The following ADAM32 variants were observed in gnomAD, a reference collection of about 807,000 sequenced individuals.
ADAM32 encodes ADAM metallopeptidase domain 32.
In ADAM32, 89 loss-of-function variants were observed where a neutral mutation model predicts 114.9. The ratio of observed to expected loss-of-function variants is 0.77; its 90% CI spans 0.65 to 0.92. The LOEUF (loss-of-function observed/expected upper bound fraction) is 0.92, where lower values mean the gene tolerates loss of function less well. Ranked by LOEUF, ADAM32 falls within the 40% of genes least tolerant of loss-of-function variation. The pLI is 0.00. For synonymous variants in ADAM32, 285 were observed against 307.5 expected, an observed-to-expected ratio of 0.93 and a Z score of 0.77; for missense variants, 870 against 932.8, an observed-to-expected ratio of 0.93 and a Z score of 0.88.
At position 39,274,361 on chromosome 8, in the gene ADAM32, T is replaced by G. The variant is rs1448698788; in HGVS notation, c.2240+11T>G. The G allele has an allele frequency of 6.2e-7, 1 of 1,610,898 alleles. No individual in the cohort carries two copies. Among genetic ancestry groups the G allele is most frequent in the East Asian group, 2.2e-5 (1 of 44,800 alleles). ...GACATATGCCAGCCAGTAAGTAGGT[T>G]AGAAGAGGTTTTTAAGATACATGTT... On this transcript the variant is annotated intron_variant, in intron 21 of 24. Coordinates refer to ENST00000379907, the MANE Select transcript of ADAM32 (RefSeq NM_145004.7).
At chr8:39,272,960 G>C (rs1454130035) in intron 20 of ADAM32, among the ~76,000 whole-genome samples, 1 of 142,434 alleles carries the variant, frequency 7.0e-6, no homozygotes, top group Non-Finnish European at 1.5e-5. Flanking sequence ...TAAAATTTTT[G>C]GTAAAAACTA....
chr8:39,198,540 G>C (rs541752603), intron 11 of ADAM32, among the ~76,000 whole-genome samples: 8 of 152,174 alleles, frequency 5.3e-5, no homozygotes, highest in African/African-American at 1.9e-4. Flanking sequence ...ACCATGCCTG[G>C]CTAACTTTTG....
intron 17 of ADAM32, among the ~76,000 whole-genome samples, chr8:39,249,778 C>G (rs1401206731): frequency 6.6e-6 from 1 of 152,152 alleles, no homozygotes; most frequent in Non-Finnish European, 1.5e-5. Context: ...AGAATCTCTT[C>G]TGACATTTAT....
At chr8:39,172,012 A>G (rs1805233999) in intron 10 of ADAM32, among the ~76,000 whole-genome samples, 1 of 151,300 alleles carries the variant, frequency 6.6e-6, no homozygotes, top group Non-Finnish European at 1.5e-5. Context: ...AGAATTAAAT[A>G]AATAAACAGC....
intron 22 of ADAM32, among the ~76,000 whole-genome samples, chr8:39,280,483 T>A (rs1361660342): frequency 1.3e-5 from 2 of 152,218 alleles, no homozygotes; most frequent in African/African-American, 4.8e-5. Flanking sequence ...AATACAAAAC[T>A]AACTTGGAGG....
chr8:39,188,176 C>T (rs1052725706), intron 11 of ADAM32, among the ~76,000 whole-genome samples: 1 of 152,062 alleles, frequency 6.6e-6, no homozygotes, highest in East Asian at 1.9e-4. Flanking sequence ...TATATACCCA[C>T]AAAAATAGCT....
At chr8:39,126,399 G>A (rs28874938) in intron 2 of ADAM32, among the ~76,000 whole-genome samples, 217 of 152,182 alleles carry the variant, frequency 1.4e-3, no homozygotes, top group African/African-American at 4.9e-3. Context: ...CACTTCCCTC[G>A]TTAGCTGCAT....
chr8:39,149,074 T>C (rs1052601895), intron 4 of ADAM32, among the ~76,000 whole-genome samples: 3 of 152,190 alleles, frequency 2.0e-5, no homozygotes, highest in African/African-American at 7.2e-5. Flanking sequence ...AACTAGGTCA[T>C]ACTAACCACG....
rs1296815886 is a variant in ADAM32, at chr8:39,139,720, T to TG, written c.200+3003dup. ...TTTCCAATTCTGTGAAGAAAGTCAT[T>TG]GTAGCTTGATGGGGATGGCATTGAA... On this transcript the variant is annotated intron_variant, in intron 3 of 24. Coordinates refer to ENST00000379907, the MANE Select transcript of ADAM32 (RefSeq NM_145004.7). Among the ~76,000 whole-genome samples, 5 of 152,216 alleles carry TG rather than the reference T, an allele frequency of 3.3e-5. 1 individual carries two copies. Among genetic ancestry groups the TG allele is most frequent in the African/African-American group, 1.2e-4 (5 of 41,550 alleles).
intron 5 of ADAM32, 132 bp from the exon 6 acceptor site, chr8:39,151,245 C>G: frequency 1.4e-6 from 1 of 725,138 alleles, no homozygotes. Flanking sequence ...TCTTCAGAGT[C>G]ATCTCTAAGA....
chr8:39,125,980 G>A (rs1440547181), intron 2 of ADAM32, among the ~76,000 whole-genome samples: 17 of 152,050 alleles, frequency 1.1e-4, no homozygotes, highest in Admixed American at 1.0e-3. Flanking sequence ...GTAGGCATGC[G>A]GTCTTATTTC....
chr8:39,139,685 A>T (rs1000157532), intron 3 of ADAM32, among the ~76,000 whole-genome samples: 1 of 152,138 alleles, frequency 6.6e-6, no homozygotes, highest in African/African-American at 2.4e-5. Flanking sequence ...TATGAACTTT[A>T]AAGTATTTTT....
chr8:39,232,968 A>T (rs1809846803), intron 15 of ADAM32, among the ~76,000 whole-genome samples: 1 of 152,070 alleles, frequency 6.6e-6, no homozygotes, highest in South Asian at 2.1e-4. Context: ...CAACTTTTTC[A>T]TCTTTCTTTC....
rs73608664 is a variant in ADAM32, at chr8:39,280,144, C to T, written c.2280-992C>T. 2.9e-3 allele frequency among the ~76,000 whole-genome samples: 440 copies of T among 152,310 alleles called. 1 individual carries two copies. Among genetic ancestry groups the T allele is most frequent in the African/African-American group, 0.01 (420 of 41,562 alleles). Reference sequence around the variant, plus strand: ...ATTAAAGACTACCAGGCTTGGGAAACTGCTCCATTGCAGCTTTCTAACACG... The same window carrying T: ...ATTAAAGACTACCAGGCTTGGGAAATTGCTCCATTGCAGCTTTCTAACACG... On this transcript the variant is annotated intron_variant, in intron 22 of 24. Coordinates refer to ENST00000379907, the MANE Select transcript of ADAM32 (RefSeq NM_145004.7).
chr8:39,167,688 ATTTG>A (rs1564520972), intron 9 of ADAM32: 1 of 152,126 alleles, frequency 6.6e-6, no homozygotes, highest in Non-Finnish European at 1.5e-5. Context: ...ATGTGTTTCA[ATTTG>A]TTTGTGTCAT....
rs189992738 is a variant in ADAM32, at chr8:39,268,566, G to A, written c.2163-2310G>A. Among the ~76,000 whole-genome samples, 43 of 152,122 alleles carry A rather than the reference G, an allele frequency of 2.8e-4. 1 individual carries two copies. In the East Asian group the frequency reaches 7.3e-3, roughly 26 times the overall value. On this transcript the variant is annotated intron_variant, in intron 19 of 24. Coordinates refer to ENST00000379907, the MANE Select transcript of ADAM32 (RefSeq NM_145004.7). ...TAAGGCTTGTCTTCTAATACTTTTA[G>A]CAATCTTTAGAGCAAATGTTTTAAA...
chr8:39,241,598 C>T (rs766875292), intron 16 of ADAM32, among the ~76,000 whole-genome samples: 1 of 152,248 alleles, frequency 6.6e-6, no homozygotes, highest in Non-Finnish European at 1.5e-5. Context: ...GGCTTCCACC[C>T]TCTGAAGCCA....
chr8:39,191,988 A>C (rs544089632), intron 11 of ADAM32, among the ~76,000 whole-genome samples: 1 of 152,282 alleles, frequency 6.6e-6, no homozygotes, highest in East Asian at 1.9e-4. Flanking sequence ...CATCTGGTAG[A>C]ATTTGGCTGT....
rs1429267352 is a variant in ADAM32 at position 39,209,206 on chromosome 8, A to G, written c.1053-1938A>G. Among the ~76,000 whole-genome samples the G allele has an allele frequency of 3.9e-5, 6 of 152,112 alleles. No individual in the cohort carries two copies. In the East Asian group the frequency reaches 1.2e-3, roughly 29 times the overall value. ...CTTTTTTCTTCTTGACATATTTTCA[A>G]ATAGCCTGTGTTTGTGCTCGTGAAT... On this transcript the variant is annotated intron_variant, in intron 11 of 24. Transcript: ENST00000379907.
Sources: allele counts gnomAD v4.1 joint callset (sites outside exome capture counted in the v4.1 genomes callset), GRCh38; gene constraint gnomAD v4.1.1; transcripts MANE v1.5; gene names NCBI Gene and HGNC (gene_info 2026-07-23, HGNC 2026-07-21).